Variants in SLC6A15 observed in about 807,000 individuals in gnomAD.
SLC6A15 encodes the protein solute carrier family 6 member 15, also known as sodium-dependent neutral amino acid transporter B(0)AT2.
A neutral mutation model predicts 68.5 loss-of-function variants in SLC6A15; 33 were observed. The ratio of observed to expected loss-of-function variants is 0.48; its 90% CI spans 0.37 to 0.64. The LOEUF is 0.64. Ranked by LOEUF, SLC6A15 falls within the 30% of genes least tolerant of loss-of-function variation. The pLI is 0.00. For synonymous variants in SLC6A15, 347 were observed against 301.0 expected (o/e 1.15, Z -1.58); for missense variants, 747 against 874.3 (o/e 0.85, Z 1.84).
At chr12:84,867,698 A>G (rs541106735) in intron 9 of SLC6A15, 1 of 152,334 alleles carries the variant, frequency 6.6e-6, no homozygotes, top group South Asian at 2.1e-4. Context: ...CTTTTCAAGC[A>G]TAAGTGGAAA....
At chr12:84,871,632 G>T (rs1435983764) in intron 8 of SLC6A15, among the ~76,000 whole-genome samples, 1 of 151,618 alleles carries the variant, frequency 6.6e-6, no homozygotes, top group African/African-American at 2.4e-5. Flanking sequence ...TTTCCTTAAG[G>T]AATTCAAGGT....
At chr12:84,894,989 T>G (rs1222234584) in intron 1 of SLC6A15, among the ~76,000 whole-genome samples, 1 of 152,226 alleles carries the variant, frequency 6.6e-6, no homozygotes, top group Non-Finnish European at 1.5e-5. Context: ...TAAAAGCTCC[T>G]TTTCTCATAT....
chr12:84,891,707 G>C (rs1872403167), intron 2 of SLC6A15, 125 bp downstream of exon 2: 1 of 1,036,764 alleles, frequency 9.6e-7, no homozygotes. Context: ...AAAGAAGTGG[G>C]TTTCTCTAGC....
At chr12:84,899,740 AC>A (rs1270508653) in intron 1 of SLC6A15, among the ~76,000 whole-genome samples, 9 of 152,274 alleles carry the variant, frequency 5.9e-5, no homozygotes, top group Admixed American at 5.9e-4. Flanking sequence ...TGGGAACTTT[AC>A]AGTATTTAAA....
chr12:84,901,296 G>C (rs1872867485), intron 1 of SLC6A15, among the ~76,000 whole-genome samples: 1 of 151,512 alleles, frequency 6.6e-6, no homozygotes, highest in Non-Finnish European at 1.5e-5. Context: ...TTGATATACA[G>C]CTACTAAGAT....
At chr12:84,900,053 T>TAA (rs1872791129) in intron 1 of SLC6A15, among the ~76,000 whole-genome samples, 1 of 152,238 alleles carries the variant, frequency 6.6e-6, no homozygotes, top group Admixed American at 6.5e-5. Flanking sequence ...TGAATTACAT[T>TAA]GATTTCATTG....
In SLC6A15 at chr12:84,881,659, A is replaced by C. The variant is rs374599716; in HGVS notation, c.756+2200T>G. ...GACCAAGCACATCACCAGCTGACTC[A>C]TTCTTCTTTTAGCTGCTAAATCCTC... On this transcript the variant is annotated intron_variant, in intron 5 of 11. Coordinates refer to ENST00000266682, the MANE Select transcript of SLC6A15 (RefSeq NM_182767.6). The C allele has an allele frequency of 2.0e-5, 20 of 980,254 alleles. No homozygotes were observed. The East Asian group carries it at 8.0e-4, about 39-fold the overall frequency. 60.7% of individuals were successfully genotyped at this position (980,254 alleles called of 1,614,324 possible).
At chr12:84,869,464 CAAA>C (rs34160834) in intron 9 of SLC6A15, among the ~76,000 whole-genome samples, 1 of 63,212 alleles carries the variant, frequency 1.6e-5, no homozygotes, top group African/African-American at 6.0e-5. Flanking sequence ...GACTCCGTCT[CAAA>C]AAAAAAAAAA....
chr12:84,882,014 T>C, intron 5 of SLC6A15: 1 of 979,160 alleles, frequency 1.0e-6, no homozygotes, highest in Non-Finnish European at 1.2e-6. Context: ...ATAAATTGTA[T>C]TACATTTTCT....
At chr12:84,883,254 C>G (rs995349965) in intron 5 of SLC6A15, 238 of 985,136 alleles carry the variant, frequency 2.4e-4, no homozygotes, top group Non-Finnish European at 2.8e-4. Flanking sequence ...CTAGAATTCA[C>G]TTAATGTCTT....
At chr12:84,911,529 GC>G (rs1322961894) in intron 1 of SLC6A15, among the ~76,000 whole-genome samples, 1 of 152,204 alleles carries the variant, frequency 6.6e-6, no homozygotes, top group Non-Finnish European at 1.5e-5. Flanking sequence ...GAGCCTGGGG[GC>G]TTTGCTTCCT....
Position 84,861,944 on chromosome 12 carries a change from G to T in SLC6A15, c.1881C>A (p.Val627=). The part of the protein sequence containing the change: ...WGLVVCVSLV[V]FAILPVPVVF... ...CTACAGGGACTGGGAGTATTGCAAAGACAACCAGAGAGACACAAACAACCA... is the reference window on the plus strand; with the variant it reads ...CTACAGGGACTGGGAGTATTGCAAATACAACCAGAGAGACACAAACAACCA... The change falls in exon 12 of 12, where the codon GTC becomes GTA. Residue 627 remains valine, a synonymous_variant. Coordinates refer to ENST00000266682, the MANE Select transcript of SLC6A15 (RefSeq NM_182767.6). The T allele has an allele frequency of 6.2e-7, 1 of 1,613,682 alleles. No homozygotes were observed. Among genetic ancestry groups the T allele is most frequent in the Non-Finnish European group, 8.5e-7 (1 of 1,179,816 alleles).
intron 5 of SLC6A15, chr12:84,881,259 A>T (rs1474926320): frequency 5.5e-6 from 1 of 180,222 alleles, no homozygotes; most frequent in African/African-American, 2.4e-5. Flanking sequence ...GCTCTCTACC[A>T]TTGAGGCAAC....
intron 11 of SLC6A15, among the ~76,000 whole-genome samples, chr12:84,863,027 G>C (rs1870915799): frequency 6.6e-6 from 1 of 152,134 alleles, no homozygotes; most frequent in Non-Finnish European, 1.5e-5. Flanking sequence ...CTGGCCTCAA[G>C]TGATGCTTTT....
In SLC6A15 at chr12:84,886,074, G is replaced by A. The variant is rs758996884; in HGVS notation, c.290-6C>T. 6.4e-7 allele frequency: 1 copy of A among 1,557,382 alleles called. No homozygotes were observed. The highest frequency in any genetic ancestry group is 8.8e-7 in the Non-Finnish European group (1 of 1,137,628). On this transcript the variant is annotated splice_region_variant and splice_polypyrimidine_tract_variant and intron_variant, in intron 2 of 11. Coordinates refer to ENST00000266682, the MANE Select transcript of SLC6A15 (RefSeq NM_182767.6). ...ATATGGTAAAAGATATGCACCTAAA[G>A]AAACAACAACAAAAAATAGATTATA...
intron 1 of SLC6A15, among the ~76,000 whole-genome samples, 153 bp downstream of exon 1, chr12:84,912,370 T>A (rs1412628730): frequency 1.3e-5 from 2 of 152,064 alleles, no homozygotes; most frequent in Non-Finnish European, 2.9e-5. Context: ...GCTTTTGAGC[T>A]GCCCTCCCTC....
chr12:84,882,121 TAAG>T (rs1871848116), intron 5 of SLC6A15: 2 of 985,390 alleles, frequency 2.0e-6, no homozygotes, highest in Non-Finnish European at 2.4e-6. Flanking sequence ...AGACACAGAC[TAAG>T]AAGAAACAGA....
intron 11 of SLC6A15, 112 bp downstream of exon 11, chr12:84,863,327 T>C (rs1870929932): frequency 2.8e-6 from 2 of 718,196 alleles, no homozygotes; most frequent in Non-Finnish European, 4.6e-6. Flanking sequence ...GCATAAAAGC[T>C]ATGCCATTCA....
intron 5 of SLC6A15, among the ~76,000 whole-genome samples, chr12:84,877,941 C>G (rs1232541867): frequency 1.3e-5 from 2 of 152,104 alleles, no homozygotes; most frequent in Non-Finnish European, 2.9e-5. Flanking sequence ...GACATAGTAA[C>G]TCTATCATAT....
Sources: allele counts gnomAD v4.1 joint callset (sites outside exome capture counted in the v4.1 genomes callset), GRCh38; gene constraint gnomAD v4.1.1; transcripts MANE v1.5; gene names NCBI Gene and HGNC (gene_info 2026-07-23, HGNC 2026-07-21).